ZC3H12B: variants seen among roughly 807,000 people sequenced by gnomAD.
ZC3H12B encodes zinc finger CCCH-type containing 12B, also known as probable ribonuclease ZC3H12B.
A neutral mutation model predicts 43.9 loss-of-function variants in ZC3H12B; 7 were observed. The observed-to-expected ratio is 0.16, with a 90% CI of 0.09 to 0.30. ZC3H12B has a LOEUF of 0.30. ZC3H12B is among the 10% of genes least tolerant of loss of function. The probability of loss-of-function intolerance (pLI) is 1.00; values close to 1 mark genes in which losing one functional copy is unlikely to be tolerated. For synonymous variants in ZC3H12B, 222 were observed against 241.7 expected (o/e 0.92, Z 0.76); for missense variants, 475 against 670.2 (o/e 0.71, Z 3.22).
chrX:65,363,946 G>A (rs760265369), upstream of ZC3H12B, among the ~76,000 whole-genome samples: 16 of 110,889 alleles, frequency 1.4e-4, no homozygotes, highest in African/African-American at 4.9e-4. Context: ...CATTGTTCCT[G>A]GCCCAGACTT....
chrX:65,330,080 G>T, the ZC3H12B span, among the ~76,000 whole-genome samples: 1 of 111,444 alleles, frequency 9.0e-6, no homozygotes, highest in African/African-American at 3.3e-5. Context: ...TTCCAATTCT[G>T]TGAAGAAAGT....
the ZC3H12B span, among the ~76,000 whole-genome samples, chrX:65,104,656 A>G: frequency 3.6e-5 from 4 of 112,420 alleles, no homozygotes; most frequent in East Asian, 8.4e-4. Context: ...TATGAAAAAA[A>G]GCTCATTATC....
the ZC3H12B span, among the ~76,000 whole-genome samples, chrX:65,317,699 T>A: frequency 9.4e-6 from 1 of 106,788 alleles, no homozygotes; most frequent in Non-Finnish European, 1.9e-5. Context: ...TTGCTGCCAA[T>A]GCTATTATTT....
intron 2 of ZC3H12B, among the ~76,000 whole-genome samples, chrX:65,382,036 G>A (rs1030314612): frequency 5.4e-5 from 6 of 111,906 alleles, no homozygotes; most frequent in Admixed American, 9.5e-5. Context: ...AGGAGGAACT[G>A]GTACCATTCC....
the ZC3H12B span, among the ~76,000 whole-genome samples, chrX:65,170,907 A>G: frequency 9.0e-6 from 1 of 111,502 alleles, no homozygotes; most frequent in African/African-American, 3.3e-5. Flanking sequence ...GTTCTTCTCT[A>G]TACTGTTTAT....
At chrX:65,459,442 G>A (rs1484240835) in intron 3 of ZC3H12B, among the ~76,000 whole-genome samples, 7 of 111,443 alleles carry the variant, frequency 6.3e-5, no homozygotes, top group African/African-American at 2.3e-4. Context: ...GATGAACATT[G>A]ATGCAAAAAT....
chrX:65,240,223 G>T, the ZC3H12B span, among the ~76,000 whole-genome samples: 3 of 111,543 alleles, frequency 2.7e-5, no homozygotes, highest in Non-Finnish European at 5.6e-5. Context: ...TCAGTGATAG[G>T]TTCAGTCTTT....
the ZC3H12B span, among the ~76,000 whole-genome samples, chrX:65,053,458 T>C: frequency 8.9e-6 from 1 of 111,863 alleles, no homozygotes; most frequent in African/African-American, 3.3e-5. Context: ...TAAGGCTGCA[T>C]AGTATTCCAT....
At chrX:65,446,030 T>C (rs1348745059) in intron 3 of ZC3H12B, among the ~76,000 whole-genome samples, 3 of 111,158 alleles carry the variant, frequency 2.7e-5, no homozygotes, top group Non-Finnish European at 5.7e-5. Context: ...TGCTGATGTT[T>C]ATTCAAGGCC....
At chrX:65,501,743 G>C in intron 4 of ZC3H12B, 46 bp from the exon 10 acceptor site, 1 of 1,080,161 alleles carries the variant, frequency 9.3e-7, no homozygotes, top group African/African-American at 1.9e-5. Flanking sequence ...GGCACAGAGG[G>C]TTCCATCACT....
the ZC3H12B span, among the ~76,000 whole-genome samples, chrX:65,144,177 G>A: frequency 2.0e-3 from 226 of 111,437 alleles, 1 homozygote; most frequent in Non-Finnish European, 2.7e-3. Flanking sequence ...CAATCTCACT[G>A]CTTTTTATTG....
chrX:65,450,743 A>G (rs376708640), intron 3 of ZC3H12B, among the ~76,000 whole-genome samples: 98 of 43,616 alleles, frequency 2.2e-3, no homozygotes, highest in East Asian at 3.7e-3. Context: ...ATGTATATAT[A>G]TATACATATG....
chrX:65,377,637 GA>G (rs749878022), intron 2 of ZC3H12B, among the ~76,000 whole-genome samples: 4 of 110,599 alleles, frequency 3.6e-5, no homozygotes, highest in East Asian at 2.8e-4. Flanking sequence ...AGCTTTGGGG[GA>G]AAAAAAGAAA....
At chrX:65,160,777 T>G in the ZC3H12B span, among the ~76,000 whole-genome samples, 1 of 111,519 alleles carries the variant, frequency 9.0e-6, no homozygotes, top group African/African-American at 3.3e-5. Flanking sequence ...CTGCTCTGAT[T>G]TTAGTTATTT....
the ZC3H12B span, among the ~76,000 whole-genome samples, chrX:65,215,930 G>A: frequency 9.0e-6 from 1 of 111,519 alleles, no homozygotes; most frequent in African/African-American, 3.3e-5. Context: ...AGCCTGATGA[G>A]AGGAAGAGAG....
chrX:65,187,447 C>T, the ZC3H12B span, among the ~76,000 whole-genome samples: 14 of 111,197 alleles, frequency 1.3e-4, no homozygotes, highest in African/African-American at 4.6e-4. Flanking sequence ...TAATGATGTA[C>T]AGAAAATGGT....
the ZC3H12B span, among the ~76,000 whole-genome samples, chrX:65,147,936 G>T: frequency 9.1e-6 from 1 of 110,007 alleles, no homozygotes; most frequent in Non-Finnish European, 1.9e-5. Context: ...TTGGGTATGT[G>T]AGTACTTCCC....
chrX:65,293,183 C>G, the ZC3H12B span, among the ~76,000 whole-genome samples: 1 of 111,114 alleles, frequency 9.0e-6, no homozygotes, highest in East Asian at 2.8e-4. Context: ...GGACTCTTTC[C>G]AGATATTTCT....
intron 3 of ZC3H12B, chrX:65,469,587 C>A: frequency 3.9e-6 from 1 of 253,680 alleles, no homozygotes. Context: ...AGCTCAGATA[C>A]TACTGCCTCA....
Sources: allele counts gnomAD v4.1 joint callset (sites outside exome capture counted in the v4.1 genomes callset), GRCh38; gene constraint gnomAD v4.1.1; transcripts MANE v1.5; gene names NCBI Gene and HGNC (gene_info 2026-07-23, HGNC 2026-07-21).